PCNX2: variants seen among roughly 807,000 people sequenced by gnomAD.
PCNX2 encodes pecanex 2, also known as pecanex-like protein 2.
In PCNX2, 168 loss-of-function variants were observed where a neutral mutation model predicts 223.8. The observed-to-expected ratio is 0.75, with a 90% CI of 0.66 to 0.85. The LOEUF (loss-of-function observed/expected upper bound fraction) is 0.85, where lower values mean the gene tolerates loss of function less well. Ranked by LOEUF, PCNX2 falls within the 40% of genes least tolerant of loss-of-function variation. The probability of loss-of-function intolerance (pLI) is 0.00; values close to 1 mark genes in which losing one functional copy is unlikely to be tolerated. For missense variants in PCNX2, 2,507 were observed against 2,675.5 expected, an observed-to-expected ratio of 0.94 and a Z score of 1.39; for synonymous variants, 1,006 against 1,052.6, an observed-to-expected ratio of 0.96 and a Z score of 0.86.
chr1:233,060,996 C>T (rs759747242), intron 23 of PCNX2, among the ~76,000 whole-genome samples: 1 of 152,204 alleles, frequency 6.6e-6, no homozygotes, highest in Non-Finnish European at 1.5e-5. Flanking sequence ...CACCTTCTCT[C>T]TCAGTTTCAT....
In PCNX2 at chr1:233,074,573, C is replaced by T. The variant is rs12097132; in HGVS notation, c.4076+15488G>A. ...TCCCGCCACTGCACTCCAGCCTGGG[C>T]GACAGAGCGAGACTCCGTCTCAAAA... On this transcript the variant is annotated intron_variant, in intron 23 of 33. Coordinates refer to ENST00000258229, the MANE Select transcript of PCNX2 (RefSeq NM_014801.4). Among the ~76,000 whole-genome samples, 816 of 110,950 alleles carry T rather than the reference C, an allele frequency of 7.4e-3. 8 individuals are homozygous for T. Among genetic ancestry groups the T allele is most frequent in the African/African-American group, 0.028 (782 of 28,284 alleles). 72.8% of individuals were successfully genotyped at this position (110,950 alleles called of 152,430 possible). A position where few individuals can be genotyped will look rare whatever the true frequency, so the allele number is the denominator to read the frequency against.
At chr1:233,298,787 G>A (rs943831619), upstream of PCNX2, among the ~76,000 whole-genome samples, 7 of 152,116 alleles carry the variant, frequency 4.6e-5, no homozygotes, top group Non-Finnish European at 7.3e-5. Flanking sequence ...TACTAGGGAG[G>A]CTGAGAATCG....
chr1:233,186,993 A>G (rs1020540668), intron 15 of PCNX2, among the ~76,000 whole-genome samples: 4 of 152,224 alleles, frequency 2.6e-5, no homozygotes, highest in African/African-American at 9.6e-5. Flanking sequence ...ATTCAATCCA[A>G]GATTTTTGTA....
intron 22 of PCNX2, among the ~76,000 whole-genome samples, chr1:233,094,694 T>G (rs1056397482): frequency 1.3e-5 from 2 of 152,216 alleles, no homozygotes; most frequent in East Asian, 3.9e-4. Flanking sequence ...CCTTAAGAAT[T>G]GTCTTAATGA....
chr1:233,295,590 T>C lies in PCNX2; in HGVS notation c.-112A>G, dbSNP rs1219619885. 3 of 1,166,374 alleles carry C rather than the reference T, an allele frequency of 2.6e-6. No individual in the cohort carries two copies. The highest frequency in any genetic ancestry group is 3.3e-6 in the Non-Finnish European group (3 of 915,852). The allele number at this position is 1,166,374 out of a possible 1,614,324, so 72.3% of individuals were successfully genotyped here. A position where few individuals can be genotyped will look rare whatever the true frequency, so the allele number is the denominator to read the frequency against. ...GGGCCCGCGGGCCGCGCCCCCGCCG[T>C]CGCCGCCGCCGTCGCCCCCGCCGCC... On this transcript the variant is annotated 5_prime_UTR_variant, in exon 1 of 34. Coordinates refer to ENST00000258229, the MANE Select transcript of PCNX2 (RefSeq NM_014801.4). The surrounding 1 kb of genome is among the most constrained non-coding windows in gnomAD (Gnocchi z 4.1).
intron 23 of PCNX2, among the ~76,000 whole-genome samples, chr1:233,065,846 G>A (rs900867427): frequency 6.6e-6 from 1 of 152,176 alleles, no homozygotes; most frequent in Non-Finnish European, 1.5e-5. Flanking sequence ...GCAGAAGGGA[G>A]ACAAATTCCT....
chr1:233,030,391 C>CT (rs1348411208), intron 25 of PCNX2, among the ~76,000 whole-genome samples: 1 of 152,006 alleles, frequency 6.6e-6, no homozygotes, highest in East Asian at 1.9e-4. Context: ...ACTATAAAAT[C>CT]TTTGAGTGTG....
chr1:233,191,356 G>T (rs1680409267), intron 15 of PCNX2, among the ~76,000 whole-genome samples: 1 of 152,156 alleles, frequency 6.6e-6, no homozygotes, highest in Non-Finnish European at 1.5e-5. Context: ...GAGCATGCAT[G>T]TTTCCGTTTC....
In PCNX2 at chr1:232,983,474, C is replaced by T. The variant is rs1209954353; in HGVS notation, c.*830G>A. The T allele has an allele frequency of 1.3e-5, 2 of 152,184 alleles. No individual in the cohort carries two copies. Among genetic ancestry groups the T allele is most frequent in the African/African-American group, 4.8e-5 (2 of 41,444 alleles). 9.4% of individuals were successfully genotyped at this position (152,184 alleles called of 1,614,324 possible). A position where few individuals can be genotyped will look rare whatever the true frequency, so the allele number is the denominator to read the frequency against. On this transcript the variant is annotated 3_prime_UTR_variant, in exon 34 of 34. Transcript: ENST00000258229. ...TTAATTTCAAAAACAAAGGTGTGTG[C>T]GATGTTGTGTGCACAGTAAGGGTTG...
At chr1:233,140,094 CAA>C (rs1677019599) in intron 19 of PCNX2, among the ~76,000 whole-genome samples, 1 of 151,984 alleles carries the variant, frequency 6.6e-6, no homozygotes, top group East Asian at 1.9e-4. Flanking sequence ...TTGTTCAAGT[CAA>C]TTGATTTCTT....
chr1:233,244,502 C>T (rs921203686), intron 8 of PCNX2, among the ~76,000 whole-genome samples: 2 of 151,970 alleles, frequency 1.3e-5, no homozygotes, highest in East Asian at 1.9e-4. Flanking sequence ...TTTGAGGCCA[C>T]GAGTTCGAGA....
intron 10 of PCNX2, among the ~76,000 whole-genome samples, chr1:233,219,703 CCA>C (rs1657254393): frequency 6.6e-6 from 1 of 152,102 alleles, no homozygotes; most frequent in Admixed American, 6.6e-5. Context: ...TACAGAGTTC[CCA>C]CATAGCCCCT....
intron 8 of PCNX2, among the ~76,000 whole-genome samples, chr1:233,250,289 TAAGA>T (rs1407230444): frequency 3.4e-4 from 52 of 152,348 alleles, no homozygotes; most frequent in African/African-American, 1.2e-3. Flanking sequence ...TCAGCATAAT[TAAGA>T]AAGTTATTCA....
intron 1 of PCNX2, among the ~76,000 whole-genome samples, chr1:233,280,287 T>C (rs2103018703): frequency 6.8e-6 from 1 of 146,774 alleles, no homozygotes; most frequent in South Asian, 2.2e-4. Flanking sequence ...TTAAACCACA[T>C]TCCATATTAC....
At chr1:233,071,357 G>A (rs896227666) in intron 23 of PCNX2, among the ~76,000 whole-genome samples, 4 of 151,988 alleles carry the variant, frequency 2.6e-5, no homozygotes, top group Admixed American at 1.3e-4. Flanking sequence ...CGTTTTTCCC[G>A]TGTCCATGTG....
chr1:233,144,827 A>C (rs1052935744), intron 19 of PCNX2, among the ~76,000 whole-genome samples: 1 of 152,052 alleles, frequency 6.6e-6, no homozygotes, highest in Admixed American at 6.5e-5. Context: ...CTCCCATTTT[A>C]TGGTTAGATT....
chr1:233,204,175 T>C (rs995068933), intron 13 of PCNX2, among the ~76,000 whole-genome samples: 3 of 152,012 alleles, frequency 2.0e-5, no homozygotes, highest in Non-Finnish European at 4.4e-5. Flanking sequence ...GGTGTCCTTA[T>C]GAAAAGGAGA....
In PCNX2 at chr1:233,217,879, G is replaced by A; in HGVS notation, c.2691+20C>T. 1 of 1,613,664 alleles carries A rather than the reference G, an allele frequency of 6.2e-7. No individual in the cohort carries two copies. The highest frequency in any genetic ancestry group is 8.5e-7 in the Non-Finnish European group (1 of 1,179,754). On this transcript the variant is annotated intron_variant, in intron 12 of 33. Coordinates refer to ENST00000258229, the MANE Select transcript of PCNX2 (RefSeq NM_014801.4). ...CACAGACAGACAAGAAAAGCTACTT[G>A]CCTGTATTTGGAAACTTACGTGTAT...
At chr1:233,020,492 A>G (rs1670840898) in intron 26 of PCNX2, among the ~76,000 whole-genome samples, 1 of 152,260 alleles carries the variant, frequency 6.6e-6, no homozygotes, top group African/African-American at 2.4e-5. Context: ...ATAAATTCAC[A>G]ATATCTGGCT....
Sources: allele counts gnomAD v4.1 joint callset (sites outside exome capture counted in the v4.1 genomes callset), GRCh38; gene constraint gnomAD v4.1.1; non-coding constraint Gnocchi (gnomAD v3.1); transcripts MANE v1.5; gene names NCBI Gene and HGNC (gene_info 2026-07-23, HGNC 2026-07-21).